RMDN1: variants seen among roughly 807,000 people sequenced by gnomAD.
RMDN1 encodes the protein regulator of microtubule dynamics protein 1.
RMDN1 carries 48 observed loss-of-function variants against 48.9 expected under a neutral mutation model. The ratio of observed to expected loss-of-function variants is 0.98; its 90% CI spans 0.78 to 1.25. The LOEUF is 1.25. RMDN1 is among the 50% of genes most tolerant of loss of function. RMDN1 has a pLI of 0.00. For missense variants in RMDN1, 418 were observed against 373.4 expected, an observed-to-expected ratio of 1.12 and a Z score of -0.98; for synonymous variants, 148 against 132.6, an observed-to-expected ratio of 1.12 and a Z score of -0.80.
chr8:86,508,483 C>T lies in RMDN1; in HGVS notation c.129+9G>A. ...AAGTGAGGAGCGGGAGCCAGGACCA[C>T]GGGGGTACCTCGAAGCCGCGGAATC... is the stretch of plus-strand genomic sequence containing the variant. On this transcript the variant is annotated intron_variant, in intron 1 of 9. Transcript: ENST00000406452. The T allele has an allele frequency of 6.5e-7, 1 of 1,543,664 alleles. No homozygotes were observed. Among genetic ancestry groups the T allele is most frequent in the Non-Finnish European group, 8.7e-7 (1 of 1,144,742 alleles).
chr8:86,475,060 T>G lies in RMDN1; in HGVS notation c.761-107A>C. On this transcript the variant is annotated intron_variant, in intron 8 of 9. Transcript: ENST00000406452. ...TCAATAAATTTGTGTGGTCAATAAG[T>G]GATTAGACTAATGGGAATTCTCTTT... The G allele has an allele frequency of 4.7e-6, 4 of 845,132 alleles. No individual in the cohort carries two copies. In the South Asian group the frequency reaches 7.8e-5, roughly 17 times the overall value. The allele number at this position is 845,132 out of a possible 1,614,324, so 52.4% of individuals were successfully genotyped here.
At chr8:86,470,779 GTC>G (rs1403381865), downstream of RMDN1, among the ~76,000 whole-genome samples, 5 of 152,080 alleles carry the variant, frequency 3.3e-5, no homozygotes, top group Admixed American at 1.3e-4. Flanking sequence ...GTATCACAGG[GTC>G]TCACTGTATG....
chr8:86,471,898 G>A (rs1481467541), downstream of RMDN1, among the ~76,000 whole-genome samples: 2 of 152,168 alleles, frequency 1.3e-5, no homozygotes, highest in African/African-American at 4.8e-5. Flanking sequence ...AGAAAAAGAT[G>A]GGGAACTGTT....
intron 2 of RMDN1, among the ~76,000 whole-genome samples, chr8:86,493,691 C>T (rs1016210035): frequency 1.6e-4 from 25 of 152,130 alleles, no homozygotes; most frequent in Non-Finnish European, 2.9e-4. Context: ...CATGATGCCA[C>T]AAGTAGAAAA....
chr8:86,508,427 G>T, intron 1 of RMDN1, 65 bp downstream of exon 1: 1 of 1,489,346 alleles, frequency 6.7e-7, no homozygotes. Flanking sequence ...CACCACTTAA[G>T]TTAAGGGGGA....
At chr8:86,504,125 A>G (rs774236937) in intron 2 of RMDN1, 7 of 1,178,512 alleles carry the variant, frequency 5.9e-6, no homozygotes, top group Non-Finnish European at 7.7e-6. Flanking sequence ...CTTGGGTCTG[A>G]AGAGCTATGG....
At chr8:86,485,141 A>C (rs1815251196) in intron 4 of RMDN1, among the ~76,000 whole-genome samples, 180 bp from the exon 5 acceptor site, 1 of 152,182 alleles carries the variant, frequency 6.6e-6, no homozygotes, top group Non-Finnish European at 1.5e-5. Flanking sequence ...CTAGAAACTC[A>C]GGAATAGGGT....
At chr8:86,494,202 C>T (rs1816950876) in intron 2 of RMDN1, among the ~76,000 whole-genome samples, 1 of 152,158 alleles carries the variant, frequency 6.6e-6, no homozygotes, top group East Asian at 1.9e-4. Flanking sequence ...GAATAGACTA[C>T]AGAACTCCAC....
chr8:86,469,193 C>CA (rs879389069), downstream of RMDN1, among the ~76,000 whole-genome samples: 4 of 151,740 alleles, frequency 2.6e-5, no homozygotes, highest in Non-Finnish European at 5.9e-5. Flanking sequence ...CCGCCCCCCC[C>CA]ATGTACTTCC....
chr8:86,480,616 AAATT>A (rs1814223090), intron 5 of RMDN1, among the ~76,000 whole-genome samples: 1 of 152,116 alleles, frequency 6.6e-6, no homozygotes, highest in Non-Finnish European at 1.5e-5. Context: ...TTAATTTTGC[AAATT>A]AATCTTGCAA....
At position 86,508,555 on chromosome 8, in the gene RMDN1, A is replaced by G. The variant is rs1036181535; in HGVS notation, c.66T>C (p.Arg22=). The G allele has an allele frequency of 1.3e-6, 2 of 1,595,842 alleles. No individual in the cohort carries two copies. Among genetic ancestry groups the G allele is most frequent in the East Asian group, 2.3e-5 (1 of 44,164 alleles). The change falls in exon 1 of 10, where the codon CGT becomes CGC. Residue 22 remains arginine (R), a synonymous_variant. Transcript: ENST00000406452. ...GGCTGCCCGAAGTCCCCGCAGGGAG[A>G]CGAGACCCCGGGGCGGCTCCACGTC... ...PFRRGAAPGS[R]LPAGTSGSRG... is the part of the protein sequence containing the mutation.
chr8:86,474,138 T>G lies in RMDN1; in HGVS notation c.*170A>C. On this transcript the variant is annotated 3_prime_UTR_variant, in exon 10 of 10. Coordinates refer to ENST00000406452, the MANE Select transcript of RMDN1 (RefSeq NM_016033.3). ...TTTCTACCACTCTTATGGCGATTATTTATTTTACCCTATTATTTGTGAAGA... is the reference window on the plus strand; with the variant it reads ...TTTCTACCACTCTTATGGCGATTATGTATTTTACCCTATTATTTGTGAAGA... 1 of 1,362,986 alleles carries G rather than the reference T, an allele frequency of 7.3e-7. No homozygotes were observed. Among genetic ancestry groups the G allele is most frequent in the Non-Finnish European group, 9.4e-7 (1 of 1,059,732 alleles). 84.4% of individuals were successfully genotyped at this position (1,362,986 alleles called of 1,614,324 possible).
chr8:86,491,804 T>G (rs542349549), intron 2 of RMDN1, among the ~76,000 whole-genome samples: 3 of 152,172 alleles, frequency 2.0e-5, no homozygotes, highest in African/African-American at 7.2e-5. Flanking sequence ...TTAGTAAACT[T>G]TGATTTTTTA....
chr8:86,496,511 C>G (rs927125205), intron 2 of RMDN1, among the ~76,000 whole-genome samples: 29 of 152,022 alleles, frequency 1.9e-4, no homozygotes, highest in African/African-American at 6.5e-4. Flanking sequence ...TCAGAGAAAA[C>G]AGATGTTAAA....
chr8:86,475,297 C>T lies in RMDN1; in HGVS notation c.761-344G>A, dbSNP rs184967472. On this transcript the variant is annotated intron_variant, in intron 8 of 9. Coordinates refer to ENST00000406452, the MANE Select transcript of RMDN1 (RefSeq NM_016033.3). ...AATACTCTTTTTAATCTCTTTAGTT[C>T]CCTATGGTACCCCACGTGCCTACAA... is the stretch of plus-strand genomic sequence containing the variant. Among the ~76,000 whole-genome samples the T allele has an allele frequency of 2.1e-3, 318 of 152,204 alleles. 3 individuals carry two copies. Among genetic ancestry groups the T allele is most frequent in the Non-Finnish European group, 3.2e-3 (219 of 67,984 alleles).
chr8:86,474,857 G>T lies in RMDN1; in HGVS notation c.857C>A (p.Ala286Asp). The T allele has an allele frequency of 6.2e-7, 1 of 1,612,788 alleles. No individual in the cohort carries two copies. The highest frequency in any genetic ancestry group is 1.3e-5 in the African/African-American group (1 of 74,926). Residue 286 changes from alanine to aspartate, a missense_variant, in exon 9 of 10, where the codon GCC becomes GAC. Transcript: ENST00000406452. ...KKLAAFWLMKAKDYPAHTEED... is the reference protein window; with the variant it reads ...KKLAAFWLMKDKDYPAHTEED... ...CTCTGTGTGTGCTGGATAGTCCTTG[G>T]CTTTCATTAGCCAGAAAGCAGCAAG...
intron 2 of RMDN1, chr8:86,505,224 T>G: frequency 1.6e-6 from 1 of 628,406 alleles, no homozygotes; most frequent in Non-Finnish European, 2.7e-6. Flanking sequence ...TGGGGTTTGT[T>G]GGATTTTCAA....
At chr8:86,482,658 G>A (rs910476739) in intron 5 of RMDN1, 28 of 806,406 alleles carry the variant, frequency 3.5e-5, no homozygotes, top group Non-Finnish European at 4.9e-5. Flanking sequence ...CACATTGAGC[G>A]CAGTCGGAAA....
At chr8:86,477,493 G>C (rs980768271) in intron 7 of RMDN1, 169 bp from the exon 8 acceptor site, 2 of 529,532 alleles carry the variant, frequency 3.8e-6, no homozygotes, top group African/African-American at 1.9e-5. Flanking sequence ...CAAAGTGAAC[G>C]TAACACTTCA....
Sources: gnomAD v4.1 joint callset for allele counts (sites outside exome capture counted in the v4.1 genomes callset) on GRCh38, gnomAD v4.1.1 for gene constraint, MANE v1.5 for transcripts, NCBI Gene and HGNC (gene_info 2026-07-23, HGNC 2026-07-21) for gene names.